The following ATIC variants were observed in gnomAD, a reference collection of about 807,000 sequenced individuals.
ATIC encodes the protein bifunctional purine biosynthesis protein ATIC.
A neutral mutation model predicts 72.5 loss-of-function variants in ATIC; 64 were observed. That is an observed-to-expected ratio of 0.88 (90% confidence interval 0.72 to 1.09). The LOEUF is 1.09. ATIC is among the 50% of genes least tolerant of loss of function. The probability of loss-of-function intolerance (pLI) is 0.00; values close to 1 mark genes in which losing one functional copy is unlikely to be tolerated. For missense variants in ATIC, 787 were observed against 732.4 expected (o/e 1.07, Z -0.86); for synonymous variants, 281 against 267.1 (o/e 1.05, Z -0.51).
intron 9 of ATIC, among the ~76,000 whole-genome samples, chr2:215,334,575 G>A (rs12477966): frequency 0.22 from 33,362 of 151,854 alleles, 3,839 homozygotes; most frequent in East Asian, 0.5. Flanking sequence ...TATCCCTTTA[G>A]TATTTCTGAA....
chr2:215,365,090 G>T, the ATIC span: 1 of 751,232 alleles, frequency 1.3e-6, no homozygotes, highest in Middle Eastern at 2.2e-4. Context: ...TCATCACAGC[G>T]CAAACACCAC....
intron 15 of ATIC, 66 bp from the exon 16 acceptor site, chr2:215,349,470 G>A (rs2053108758): frequency 1.2e-6 from 2 of 1,611,448 alleles, no homozygotes; most frequent in African/African-American, 2.7e-5. Flanking sequence ...CTTTTTAGAG[G>A]GGGATTTTGA....
At chr2:215,352,852 A>G (rs369371606), downstream of ATIC, among the ~76,000 whole-genome samples, 2 of 122,026 alleles carry the variant, frequency 1.6e-5, no homozygotes, top group East Asian at 5.4e-4. Flanking sequence ...CAGTCGATTG[A>G]CTGAAGATTT....
At chr2:215,368,484 T>C in the ATIC span, among the ~76,000 whole-genome samples, 1 of 152,214 alleles carries the variant, frequency 6.6e-6, no homozygotes, top group East Asian at 1.9e-4. Context: ...CTGGGGAATC[T>C]TGTGAAGATT....
At chr2:215,332,143 TG>T (rs1291818048) in intron 7 of ATIC, among the ~76,000 whole-genome samples, 1 of 63,254 alleles carries the variant, frequency 1.6e-5, no homozygotes, top group African/African-American at 4.4e-5. Flanking sequence ...TGTGTGTGTG[TG>T]TGTGTGTGTG....
chr2:215,349,433 G>C, intron 15 of ATIC, 103 bp from the exon 16 acceptor site: 1 of 1,597,118 alleles, frequency 6.3e-7, no homozygotes, highest in Non-Finnish European at 8.5e-7. Flanking sequence ...TTGCCTTTTT[G>C]ACTGAGTGTA....
chr2:215,318,539 CTTT>C (rs2052734344), intron 3 of ATIC, among the ~76,000 whole-genome samples: 1 of 152,122 alleles, frequency 6.6e-6, no homozygotes, highest in Non-Finnish European at 1.5e-5. Context: ...TATGAAAATA[CTTT>C]TAAAATAGTT....
chr2:215,338,380 A>G (rs1426569814), intron 11 of ATIC, among the ~76,000 whole-genome samples: 1 of 152,220 alleles, frequency 6.6e-6, no homozygotes, highest in Admixed American at 6.5e-5. Flanking sequence ...GCCATTGCTT[A>G]TTTAATTAGC....
chr2:215,338,886 T>C lies in ATIC; in HGVS notation c.1206T>C (p.Asn402=), dbSNP rs1443600499. Residue 402 remains asparagine (N), a synonymous_variant, in exon 12 of 16, where the codon AAT becomes AAC. Transcript: ENST00000236959. The part of the protein sequence containing the change: ...NGVVDKSLFS[N]VVTKNKDLPE... ...TCGTCGACAAGTCATTATTTAGCAATGTTGTTACCAAAAATAAAGATGTAA... is the reference window on the plus strand; with the variant it reads ...TCGTCGACAAGTCATTATTTAGCAACGTTGTTACCAAAAATAAAGATGTAA... 6.2e-7 allele frequency: 1 copy of C among 1,613,704 alleles called. No individual in the cohort carries two copies. The highest frequency in any genetic ancestry group is 1.3e-5 in the African/African-American group (1 of 75,038).
chr2:215,329,054 T>A (rs562904613), intron 7 of ATIC, among the ~76,000 whole-genome samples: 2 of 152,310 alleles, frequency 1.3e-5, no homozygotes, highest in East Asian at 3.9e-4. Context: ...TGCATCTGTT[T>A]TTGTTTGTCG....
chr2:215,344,364 T>C (rs2053050284), intron 12 of ATIC, among the ~76,000 whole-genome samples: 1 of 152,106 alleles, frequency 6.6e-6, no homozygotes, highest in Non-Finnish European at 1.5e-5. Context: ...ATAACTATGT[T>C]GTAGGTCTTT....
the ATIC span, chr2:215,362,546 G>C: frequency 5.7e-6 from 1 of 175,596 alleles, no homozygotes; most frequent in African/African-American, 2.4e-5. Context: ...TCACACAGTG[G>C]ACCACTGGTG....
In ATIC at chr2:215,313,948, G is replaced by A. The variant is rs528050206; in HGVS notation, c.146+1324G>A. Among the ~76,000 whole-genome samples, 5 of 152,126 alleles carry A rather than the reference G, an allele frequency of 3.3e-5. No homozygotes were observed. The South Asian group carries it at 1.0e-3, about 32-fold the overall frequency. On this transcript the variant is annotated intron_variant, in intron 2 of 15. Coordinates refer to ENST00000236959, the MANE Select transcript of ATIC (RefSeq NM_004044.7). ...ATTGGGCCAAGTTGGGTCCTCCTATGGTAATGGAACCTTCGTAAAGCAAAA... is the reference window on the plus strand; with the variant it reads ...ATTGGGCCAAGTTGGGTCCTCCTATAGTAATGGAACCTTCGTAAAGCAAAA...
intron 2 of ATIC, among the ~76,000 whole-genome samples, chr2:215,312,926 C>T (rs933032245): frequency 2.0e-5 from 3 of 152,068 alleles, no homozygotes; most frequent in African/African-American, 7.2e-5. Context: ...TGGTGAAACC[C>T]GTCTCTACTA....
At chr2:215,330,370 G>A (rs1575118979) in intron 7 of ATIC, among the ~76,000 whole-genome samples, 2 of 152,026 alleles carry the variant, frequency 1.3e-5, no homozygotes, top group Admixed American at 1.3e-4. Flanking sequence ...TTTTTTTAGA[G>A]TAGTTACAGG....
At chr2:215,325,192 C>T (rs745674921) in intron 4 of ATIC, 49 bp from the exon 5 acceptor site, 8 of 1,440,662 alleles carry the variant, frequency 5.6e-6, no homozygotes, top group Non-Finnish European at 7.8e-6. Flanking sequence ...AGCTGTAAAC[C>T]ACATGAGTGG....
In ATIC at chr2:215,344,779, T is replaced by C. The variant is rs2106039629; in HGVS notation, c.1228T>C (p.Leu410=). The change falls in exon 13 of 16, where the codon TTG becomes CTG. Residue 410 remains leucine, a splice_region_variant and synonymous_variant. Transcript: ENST00000236959. ...FSNVVTKNKD[L]PESALRDLIV... is the part of the protein sequence containing the mutation. ...ATTTACCATTGTGTATGTGTTTCAGTTGCCAGAGTCTGCCCTCCGAGACCT... is the reference window on the plus strand; with the variant it reads ...ATTTACCATTGTGTATGTGTTTCAGCTGCCAGAGTCTGCCCTCCGAGACCT... The C allele has an allele frequency of 6.2e-7, 1 of 1,613,836 alleles. No individual in the cohort carries two copies. The highest frequency in any genetic ancestry group is 1.1e-5 in the South Asian group (1 of 91,042).
At chr2:215,353,936 C>CT (rs1451274338), downstream of ATIC, among the ~76,000 whole-genome samples, 1 of 152,142 alleles carries the variant, frequency 6.6e-6, no homozygotes, top group Non-Finnish European at 1.5e-5. Flanking sequence ...GTTTTAAATT[C>CT]TTTAATACTT....
chr2:215,325,363 G>A (rs370059601), intron 5 of ATIC, 34 bp downstream of exon 5: 9 of 1,481,236 alleles, frequency 6.1e-6, no homozygotes, highest in African/African-American at 5.5e-5. Context: ...AAGACTGAGA[G>A]GAGAGGATTA....
Sources: allele counts gnomAD v4.1 joint callset (sites outside exome capture counted in the v4.1 genomes callset), GRCh38; gene constraint gnomAD v4.1.1; transcripts MANE v1.5; gene names NCBI Gene and HGNC (gene_info 2026-07-23, HGNC 2026-07-21).